The following TM4SF19 variants were observed in gnomAD, a reference collection of about 807,000 sequenced individuals.
TM4SF19 encodes transmembrane 4 L six family member 19, also known as transmembrane 4 L6 family member 19.
TM4SF19 carries 17 observed loss-of-function variants against 21.8 expected under a neutral mutation model. The ratio of observed to expected loss-of-function variants is 0.78; its 90% CI spans 0.53 to 1.17. The LOEUF (loss-of-function observed/expected upper bound fraction) is 1.17, where lower values mean the gene tolerates loss of function less well. Among genes scored for constraint, TM4SF19 ranks in the 50% most tolerant of loss-of-function variants. The probability of loss-of-function intolerance (pLI) is 0.00; values close to 1 mark genes in which losing one functional copy is unlikely to be tolerated. For missense variants in TM4SF19, 216 were observed against 252.1 expected, an observed-to-expected ratio of 0.86 and a Z score of 0.97; for synonymous variants, 107 against 106.7, an observed-to-expected ratio of 1.00 and a Z score of -0.02.
At chr3:196,327,118 G>T in intron 2 of TM4SF19, 86 bp from the exon 3 acceptor site, 1 of 1,127,436 alleles carries the variant, frequency 8.9e-7, no homozygotes, top group Non-Finnish European at 1.3e-6. Context: ...AGAGTGGCTG[G>T]CAGCTCACAT....
chr3:196,324,554 T>A, intron 3 of TM4SF19, 114 bp from the exon 4 acceptor site: 2 of 1,004,776 alleles, frequency 2.0e-6, no homozygotes, highest in Non-Finnish European at 1.5e-6. Context: ...TGTGGGGCGG[T>A]CTGCACAGGT....
rs1043797725 is a variant in TM4SF19, at chr3:196,323,838, G to T, written c.609C>A (p.Phe203Leu). ...VHVINSLLGL[F>L]CSLCEK ...CCTGTCACTTCTCGCAGAGGCTGCA[G>T]AAAAGGCCCAGGAGGCTGTTGATGA... The change falls in exon 5 of 5, where the codon TTC becomes TTA. Residue 203 changes from phenylalanine to leucine, a missense_variant. Transcript: ENST00000273695. The T allele has an allele frequency of 6.2e-7, 1 of 1,614,046 alleles. No individual in the cohort carries two copies. Among genetic ancestry groups the T allele is most frequent in the Non-Finnish European group, 8.5e-7 (1 of 1,180,052 alleles).
At chr3:196,330,052 A>AGTTTTTTTTT (rs1727446865) in intron 1 of TM4SF19, among the ~76,000 whole-genome samples, 3 of 151,794 alleles carry the variant, frequency 2.0e-5, no homozygotes, top group Non-Finnish European at 4.4e-5. Flanking sequence ...TTGTATTTTT[A>AGTTTTTTTTT]GTAGAGACAG....
At chr3:196,327,147 T>G in intron 2 of TM4SF19, 115 bp from the exon 3 acceptor site, 2 of 892,608 alleles carry the variant, frequency 2.2e-6, no homozygotes, top group African/African-American at 1.6e-5. Context: ...TCCTGTTGAC[T>G]CTGACTCTGG....
At chr3:196,326,005 C>T (rs1192619838) in intron 3 of TM4SF19, among the ~76,000 whole-genome samples, 9 of 152,156 alleles carry the variant, frequency 5.9e-5, no homozygotes, top group Non-Finnish European at 1.2e-4. Context: ...AACGGAGTCT[C>T]GCTCTGTCGC....
chr3:196,330,338 T>C (rs1206211451), intron 1 of TM4SF19, among the ~76,000 whole-genome samples: 1 of 152,178 alleles, frequency 6.6e-6, no homozygotes, highest in East Asian at 1.9e-4. Context: ...ATGGTAATGG[T>C]TGCACATCAT....
Position 196,324,358 on chromosome 3 carries a change from T to C in TM4SF19, c.362A>G (p.Asp121Gly). Residue 121 changes from aspartate (D) to glycine (G), a missense_variant, in exon 4 of 5, where the codon GAT becomes GGT. Transcript: ENST00000273695. Reference sequence around the variant, plus strand: ...AACATCAAACATGCAAAAAGGACCATCTTTCAGAGCAACTCCAGAAGTGAC... The same window carrying C: ...AACATCAAACATGCAAAAAGGACCACCTTTCAGAGCAACTCCAGAAGTGAC... Reference protein sequence around the residue: ...CFVTSGVALKDGPFCMFDVSS... With the variant: ...CFVTSGVALKGGPFCMFDVSS... 3 of 1,614,164 alleles carry C rather than the reference T, an allele frequency of 1.9e-6. 1 individual carries two copies. The highest frequency in any genetic ancestry group is 2.2e-5 in the South Asian group (2 of 91,088).
intron 1 of TM4SF19, among the ~76,000 whole-genome samples, chr3:196,334,302 A>T (rs1381587085): frequency 6.6e-6 from 1 of 152,090 alleles, no homozygotes; most frequent in Non-Finnish European, 1.5e-5. Flanking sequence ...TTTACGACTT[A>T]GGAACTCAGA....
intron 1 of TM4SF19, among the ~76,000 whole-genome samples, chr3:196,335,740 C>T (rs985991378): frequency 6.6e-6 from 1 of 152,032 alleles, no homozygotes; most frequent in Non-Finnish European, 1.5e-5. Flanking sequence ...GGCCCCCTCA[C>T]AGCCTGCCCA....
Position 196,323,919 on chromosome 3 carries a change from G to C in TM4SF19, c.528C>G (p.Leu176=), listed in dbSNP as rs1181597377. The C allele has an allele frequency of 6.2e-7, 1 of 1,614,162 alleles. No individual in the cohort carries two copies. The highest frequency in any genetic ancestry group is 2.2e-5 in the East Asian group (1 of 44,886). ...PSAAVVWHVS[L]FSALLCISLL... ...GGCTGATGCACAGAAGGGCGGAGAA[G>C]AGGGACACGTGCCAGACAACAGCTG... is the stretch of plus-strand genomic sequence containing the variant. Residue 176 remains leucine, a synonymous_variant, in exon 5 of 5, where the codon CTC becomes CTG. Coordinates refer to ENST00000273695, the MANE Select transcript of TM4SF19 (RefSeq NM_138461.4).
rs183370227 is a variant in TM4SF19 at position 196,324,089 on chromosome 3, C to T, written c.450-92G>A. On this transcript the variant is annotated intron_variant, in intron 4 of 4. Transcript: ENST00000273695. ...GTAGAAAACTGGGGTCTCCCCTGAC[C>T]GGGTCATGGGACTGGGCTCATGAGG... The T allele has an allele frequency of 6.1e-5, 92 of 1,516,950 alleles. No individual in the cohort carries two copies. The Admixed American group carries it at 6.8e-4, about 11-fold the overall frequency. 94.0% of individuals were successfully genotyped at this position (1,516,950 alleles called of 1,614,324 possible).
chr3:196,327,107 T>C, intron 2 of TM4SF19, 75 bp from the exon 3 acceptor site: 1 of 1,231,588 alleles, frequency 8.1e-7, no homozygotes, highest in African/African-American at 1.5e-5. Flanking sequence ...CCACAGCTGT[T>C]AGAGTGGCTG....
chr3:196,335,903 T>G (rs1291161798), intron 1 of TM4SF19, among the ~76,000 whole-genome samples: 1 of 151,886 alleles, frequency 6.6e-6, no homozygotes, highest in Non-Finnish European at 1.5e-5. Flanking sequence ...CCCACCCAGA[T>G]GTCTGACCGG....
chr3:196,333,568 A>G (rs759862565), intron 1 of TM4SF19, among the ~76,000 whole-genome samples: 1 of 152,154 alleles, frequency 6.6e-6, no homozygotes, highest in Non-Finnish European at 1.5e-5. Flanking sequence ...CATCACACAT[A>G]AATAATGAAA....
rs1577406861 is a variant in TM4SF19 at position 196,327,698 on chromosome 3, C to T, written c.-1-107G>A. The T allele has an allele frequency of 3.3e-6, 3 of 903,482 alleles. No individual in the cohort carries two copies. The East Asian group carries it at 7.9e-5, about 24-fold the overall frequency. The allele number at this position is 903,482 out of a possible 1,614,324, so 56.0% of individuals were successfully genotyped here. ...GGGAAACAGACTACAGAAACCGCCA[C>T]CTTCCAGGGTCAGACCAATGAGAGC... On this transcript the variant is annotated intron_variant, in intron 1 of 4. Coordinates refer to ENST00000273695, the MANE Select transcript of TM4SF19 (RefSeq NM_138461.4).
chr3:196,327,652 C>CCAG, intron 1 of TM4SF19, 61 bp from the exon 2 acceptor site: 1 of 1,410,612 alleles, frequency 7.1e-7, no homozygotes, highest in Non-Finnish European at 1.0e-6. Context: ...GAAGGGAACT[C>CCAG]CAGCAGCATA....
rs551605786 is a variant in TM4SF19 at position 196,331,964 on chromosome 3, C to T, written c.-1-4373G>A. 1.4e-4 allele frequency among the ~76,000 whole-genome samples: 21 copies of T among 151,448 alleles called. 1 individual carries two copies. In the South Asian group the frequency reaches 4.4e-3, roughly 32 times the overall value. On this transcript the variant is annotated intron_variant, in intron 1 of 4. Coordinates refer to ENST00000273695, the MANE Select transcript of TM4SF19 (RefSeq NM_138461.4). ...CACGCCTATAACACACTGCTTTGCA[C>T]CTAATCAGAAAATATGTGTATAGAG...
intron 2 of TM4SF19, among the ~76,000 whole-genome samples, 179 bp from the exon 3 acceptor site, chr3:196,327,211 C>A (rs965896223): frequency 2.0e-4 from 31 of 152,214 alleles, no homozygotes; most frequent in African/African-American, 7.5e-4. Flanking sequence ...TTAACTTTCA[C>A]ACCCGACCTG....
At chr3:196,333,785 G>T (rs1254125561) in intron 1 of TM4SF19, among the ~76,000 whole-genome samples, 1 of 152,210 alleles carries the variant, frequency 6.6e-6, no homozygotes, top group Non-Finnish European at 1.5e-5. Context: ...TTAAAGGCCA[G>T]GTGCAGTAGT....
Sources: gnomAD v4.1 joint callset for allele counts (sites outside exome capture counted in the v4.1 genomes callset) on GRCh38, gnomAD v4.1.1 for gene constraint, MANE v1.5 for transcripts, NCBI Gene and HGNC (gene_info 2026-07-23, HGNC 2026-07-21) for gene names.